The following ADGRB3 variants were observed in gnomAD, a reference collection of about 807,000 sequenced individuals.
ADGRB3 encodes brain-specific angiogenesis inhibitor 3.
ADGRB3 carries 37 observed loss-of-function variants against 193.4 expected under a neutral mutation model. That is an observed-to-expected ratio of 0.19 (90% CI 0.15 to 0.25). The LOEUF is 0.25. Ranked by LOEUF, ADGRB3 falls within the 10% of genes least tolerant of loss-of-function variation. The pLI is 1.00. For missense variants in ADGRB3, 1,637 were observed against 1,852.9 expected (o/e 0.88, Z 2.14); for synonymous variants, 690 against 644.2 (o/e 1.07, Z -1.08).
At chr6:69,073,945 A>G (rs373072338) in intron 16 of ADGRB3, among the ~76,000 whole-genome samples, 2 of 152,178 alleles carry the variant, frequency 1.3e-5, no homozygotes, top group Non-Finnish European at 2.9e-5. Context: ...GATTATTTGT[A>G]ACAGATCATT....
chr6:68,738,701 T>C (rs1765920449), intron 3 of ADGRB3, among the ~76,000 whole-genome samples: 1 of 152,288 alleles, frequency 6.6e-6, no homozygotes. Flanking sequence ...AGTTATTTTC[T>C]GAGATGAGGA....
intron 3 of ADGRB3, among the ~76,000 whole-genome samples, chr6:68,824,414 G>A (rs564188445): frequency 6.7e-6 from 1 of 149,572 alleles, no homozygotes; most frequent in Non-Finnish European, 1.5e-5. Context: ...AATATATAAT[G>A]TATTTAGATA....
intron 16 of ADGRB3, among the ~76,000 whole-genome samples, chr6:69,075,717 A>T (rs1303679772): frequency 1.3e-5 from 2 of 152,196 alleles, no homozygotes; most frequent in African/African-American, 4.8e-5. Context: ...ATATGGACTT[A>T]TGGTGTATGA....
intron 3 of ADGRB3, among the ~76,000 whole-genome samples, chr6:68,894,111 T>C (rs1022636933): frequency 1.3e-5 from 2 of 152,092 alleles, no homozygotes; most frequent in East Asian, 1.9e-4. Flanking sequence ...ATAACATTTA[T>C]TTCAAAATCC....
intron 3 of ADGRB3, among the ~76,000 whole-genome samples, chr6:68,809,388 A>G (rs1340602339): frequency 6.6e-6 from 1 of 152,234 alleles, no homozygotes; most frequent in African/African-American, 2.4e-5. Flanking sequence ...TTGCATGCCA[A>G]CATATTTACT....
chr6:69,107,081 C>CA, intron 17 of ADGRB3, among the ~76,000 whole-genome samples: 1 of 151,552 alleles, frequency 6.6e-6, no homozygotes, highest in African/African-American at 2.4e-5. Context: ...AACTATCTTC[C>CA]AAAAAAAAGT....
intron 17 of ADGRB3, among the ~76,000 whole-genome samples, chr6:69,123,621 G>A (rs1773777452): frequency 6.6e-6 from 1 of 152,132 alleles, no homozygotes; most frequent in African/African-American, 2.4e-5. Context: ...ATAATGGGGT[G>A]ATAAGAATAA....
intron 20 of ADGRB3, among the ~76,000 whole-genome samples, chr6:69,240,029 G>A (rs746253356): frequency 1.3e-5 from 2 of 151,830 alleles, no homozygotes; most frequent in African/African-American, 2.4e-5. Context: ...ATACAAAAGC[G>A]AATAATTAAA....
intron 11 of ADGRB3, among the ~76,000 whole-genome samples, chr6:69,001,039 T>C (rs1313187111): frequency 1.3e-5 from 2 of 152,076 alleles, no homozygotes; most frequent in African/African-American, 4.8e-5. Flanking sequence ...TATGATATCA[T>C]TGAAGAAAAA....
At chr6:69,157,311 A>C (rs1774869121) in intron 17 of ADGRB3, among the ~76,000 whole-genome samples, 1 of 152,176 alleles carries the variant, frequency 6.6e-6, no homozygotes, top group African/African-American at 2.4e-5. Flanking sequence ...ATGTGCCAAG[A>C]ACCTAGGGAC....
chr6:68,880,633 A>T (rs890671625), intron 3 of ADGRB3, among the ~76,000 whole-genome samples: 4 of 152,096 alleles, frequency 2.6e-5, no homozygotes, highest in Non-Finnish European at 5.9e-5. Context: ...AGGGGTTTGT[A>T]CTTTATAAGG....
At chr6:68,638,265 G>A (rs1487869711) in intron 2 of ADGRB3, among the ~76,000 whole-genome samples, 1 of 152,160 alleles carries the variant, frequency 6.6e-6, no homozygotes, top group African/African-American at 2.4e-5. Context: ...AGAAAAGGTT[G>A]TATAGACTAT....
At chr6:69,009,958 T>A (rs1051383346) in intron 11 of ADGRB3, among the ~76,000 whole-genome samples, 26 of 152,260 alleles carry the variant, frequency 1.7e-4, no homozygotes, top group African/African-American at 5.3e-4. Flanking sequence ...ATGAGAAATC[T>A]GCCAAGTGGA....
At chr6:69,215,038 A>G (rs962037085) in intron 17 of ADGRB3, among the ~76,000 whole-genome samples, 5 of 152,020 alleles carry the variant, frequency 3.3e-5, no homozygotes, top group Non-Finnish European at 7.4e-5. Context: ...GGGACATTCC[A>G]CAAAATAAGT....
intron 17 of ADGRB3, among the ~76,000 whole-genome samples, chr6:69,100,840 AGGAG>A (rs1238983210): frequency 5.8e-5 from 7 of 120,282 alleles, no homozygotes; most frequent in South Asian, 3.4e-4. Flanking sequence ...GAAGGAAGGA[AGGAG>A]GGAGGGAGGG....
intron 3 of ADGRB3, among the ~76,000 whole-genome samples, chr6:68,732,906 C>G (rs1765799739): frequency 6.6e-6 from 1 of 151,858 alleles, no homozygotes; most frequent in African/African-American, 2.4e-5. Flanking sequence ...TCCCTGGACC[C>G]CACTCCAGAG....
intron 3 of ADGRB3, among the ~76,000 whole-genome samples, chr6:68,748,690 G>C (rs1052067503): frequency 2.6e-5 from 4 of 152,144 alleles, no homozygotes; most frequent in Non-Finnish European, 5.9e-5. Flanking sequence ...CTGGACCCTG[G>C]AGGATGGTGG....
chr6:69,244,921 G>T (rs1261818149), intron 20 of ADGRB3, among the ~76,000 whole-genome samples: 4 of 151,982 alleles, frequency 2.6e-5, no homozygotes, highest in Non-Finnish European at 5.9e-5. Flanking sequence ...ATGACACCCA[G>T]ATATACATCT....
At chr6:69,080,973 G>T (rs532198030) in intron 17 of ADGRB3, among the ~76,000 whole-genome samples, 17 of 152,092 alleles carry the variant, frequency 1.1e-4, no homozygotes, top group African/African-American at 3.6e-4. Flanking sequence ...GTGCCAGCAT[G>T]TTCCATTTTA....
Sources: gnomAD v4.1 joint callset for allele counts (sites outside exome capture counted in the v4.1 genomes callset) on GRCh38, gnomAD v4.1.1 for gene constraint, MANE v1.5 for transcripts, NCBI Gene and HGNC (gene_info 2026-07-23, HGNC 2026-07-21) for gene names.